The following RSPO2 variants were observed in gnomAD, a reference collection of about 807,000 sequenced individuals.
The protein encoded by RSPO2 is R-spondin 2.
A neutral mutation model predicts 30.9 loss-of-function variants in RSPO2; 14 were observed. The ratio of observed to expected loss-of-function variants is 0.45; its 90% confidence interval spans 0.30 to 0.71. The LOEUF is 0.71. Ranked by LOEUF, RSPO2 falls within the 30% of genes least tolerant of loss-of-function variation. The probability of loss-of-function intolerance (pLI) is 0.08; values close to 1 mark genes in which losing one functional copy is unlikely to be tolerated. For synonymous variants in RSPO2, 107 were observed against 96.4 expected (o/e 1.11, Z -0.64); for missense variants, 264 against 301.9 (o/e 0.87, Z 0.93).
intron 2 of RSPO2, among the ~76,000 whole-genome samples, chr8:108,014,875 G>C (rs1420626946): frequency 2.0e-5 from 3 of 150,582 alleles, no homozygotes; most frequent in Non-Finnish European, 4.4e-5. Flanking sequence ...AAATTCGGTA[G>C]ATTGGAATAA....
intron 5 of RSPO2, among the ~76,000 whole-genome samples, chr8:107,939,868 T>C (rs1047789940): frequency 2.6e-5 from 4 of 152,120 alleles, no homozygotes; most frequent in African/African-American, 9.7e-5. Context: ...GTGTGGTTTA[T>C]TTTAAACAGT....
intron 5 of RSPO2, among the ~76,000 whole-genome samples, chr8:107,902,120 TGAG>T (rs1452481236): frequency 6.6e-6 from 1 of 152,176 alleles, no homozygotes; most frequent in Non-Finnish European, 1.5e-5. Flanking sequence ...ATCACCTCTT[TGAG>T]TTCTAAACAC....
chr8:108,034,647 T>C (rs896887701), intron 2 of RSPO2, among the ~76,000 whole-genome samples: 1 of 152,248 alleles, frequency 6.6e-6, no homozygotes, highest in Admixed American at 6.5e-5. Context: ...ATTCCTGTTT[T>C]GGCCCTTCTA....
At chr8:107,960,843 A>G in intron 3 of RSPO2, 26 bp from the exon 4 acceptor site, 1 of 1,514,734 alleles carries the variant, frequency 6.6e-7, no homozygotes. Flanking sequence ...AAGAGAAAAA[A>G]GAAAATTTCA....
At chr8:107,984,595 C>T (rs1027708885) in intron 3 of RSPO2, among the ~76,000 whole-genome samples, 1 of 152,012 alleles carries the variant, frequency 6.6e-6, no homozygotes, top group Non-Finnish European at 1.5e-5. Flanking sequence ...AACAAATTAC[C>T]AGTTTACATA....
intron 2 of RSPO2, among the ~76,000 whole-genome samples, chr8:108,021,757 C>T (rs1448065144): frequency 1.3e-5 from 2 of 151,788 alleles, no homozygotes; most frequent in Non-Finnish European, 2.9e-5. Flanking sequence ...ACATCACACA[C>T]CGGGGCCTGT....
chr8:108,061,596 A>T (rs1262928615), intron 2 of RSPO2, among the ~76,000 whole-genome samples: 2 of 151,858 alleles, frequency 1.3e-5, no homozygotes, highest in African/African-American at 4.9e-5. Flanking sequence ...GGAGACTTTA[A>T]CACCCCACTG....
chr8:107,976,200 A>T (rs577215914), intron 3 of RSPO2, among the ~76,000 whole-genome samples: 1 of 152,350 alleles, frequency 6.6e-6, no homozygotes. Flanking sequence ...AAAAAATCCT[A>T]ACCCTATCCA....
At chr8:107,963,952 G>A (rs988390480) in intron 3 of RSPO2, among the ~76,000 whole-genome samples, 12 of 152,100 alleles carry the variant, frequency 7.9e-5, no homozygotes, top group Non-Finnish European at 1.8e-4. Flanking sequence ...AGCCATCTCC[G>A]TATCCTTTGT....
At chr8:107,980,962 A>G (rs1241442871) in intron 3 of RSPO2, among the ~76,000 whole-genome samples, 2 of 152,198 alleles carry the variant, frequency 1.3e-5, no homozygotes, top group Non-Finnish European at 2.9e-5. Context: ...CTCCAACCTA[A>G]TGGTCTAAGT....
At chr8:107,978,809 A>G (rs1814310413) in intron 3 of RSPO2, among the ~76,000 whole-genome samples, 1 of 152,240 alleles carries the variant, frequency 6.6e-6, no homozygotes, top group South Asian at 2.1e-4. Context: ...TCCACAATCT[A>G]CAATGAACTC....
intron 2 of RSPO2, among the ~76,000 whole-genome samples, chr8:107,992,670 T>A (rs548938350): frequency 2.6e-5 from 4 of 152,250 alleles, no homozygotes; most frequent in African/African-American, 7.2e-5. Context: ...CAAGTCTACA[T>A]CTAAATGCAG....
intron 2 of RSPO2, among the ~76,000 whole-genome samples, chr8:108,064,282 C>A (rs1191070953): frequency 3.9e-5 from 6 of 152,146 alleles, no homozygotes; most frequent in Admixed American, 2.0e-4. Context: ...ATCTACTCCT[C>A]TGACAAAGGG....
At chr8:108,039,866 T>C (rs1379381348) in intron 2 of RSPO2, among the ~76,000 whole-genome samples, 2 of 152,136 alleles carry the variant, frequency 1.3e-5, no homozygotes, top group Non-Finnish European at 1.5e-5. Context: ...CTCTCATGAA[T>C]GGGATTAGTG....
chr8:107,932,271 C>A (rs112617573), intron 5 of RSPO2, among the ~76,000 whole-genome samples: 1 of 151,602 alleles, frequency 6.6e-6, no homozygotes. Context: ...GTGGTAGAAT[C>A]CAGTGGAATT....
chr8:108,011,046 T>A (rs1422164706), intron 2 of RSPO2, among the ~76,000 whole-genome samples: 1 of 145,162 alleles, frequency 6.9e-6, no homozygotes, highest in East Asian at 2.0e-4. Context: ...AGTGGGAGGA[T>A]CCCTTGAGCC....
At chr8:108,033,725 T>C (rs576603739) in intron 2 of RSPO2, among the ~76,000 whole-genome samples, 1 of 152,364 alleles carries the variant, frequency 6.6e-6, no homozygotes, top group African/African-American at 2.4e-5. Flanking sequence ...TACAATTTAC[T>C]TGTATACTGT....
intron 3 of RSPO2, among the ~76,000 whole-genome samples, chr8:107,962,069 C>T (rs1234229791): frequency 6.6e-6 from 1 of 152,152 alleles, no homozygotes; most frequent in Non-Finnish European, 1.5e-5. Flanking sequence ...TTTTAACCGA[C>T]GCAATTGACA....
chr8:107,913,078 T>C (rs1416458739), intron 5 of RSPO2, among the ~76,000 whole-genome samples: 2 of 150,228 alleles, frequency 1.3e-5, no homozygotes, highest in African/African-American at 4.8e-5. Flanking sequence ...GGGATAAATA[T>C]TTAAGGTGAA....
Sources: allele counts gnomAD v4.1 joint callset (sites outside exome capture counted in the v4.1 genomes callset), GRCh38; gene constraint gnomAD v4.1.1; transcripts MANE v1.5; gene names NCBI Gene and HGNC (gene_info 2026-07-23, HGNC 2026-07-21).